RNF135: variants seen among roughly 807,000 people sequenced by gnomAD.
RNF135 encodes ring finger protein 135, also known as E3 ubiquitin-protein ligase RNF135.
RNF135 carries 46 observed loss-of-function variants against 41.9 expected under a neutral mutation model. The observed-to-expected ratio is 1.10, with a 90% CI of 0.87 to 1.40. The LOEUF is 1.40. Among genes scored for constraint, RNF135 ranks in the 40% most tolerant of loss-of-function variants. The pLI, the probability that RNF135 is intolerant of heterozygous loss-of-function variation, is 0.00. For missense variants in RNF135, 539 were observed against 549.8 expected, an observed-to-expected ratio of 0.98 and a Z score of 0.20; for synonymous variants, 238 against 223.8, an observed-to-expected ratio of 1.06 and a Z score of -0.57.
Position 30,975,664 on chromosome 17 carries a change from T to C in RNF135, c.372+4219T>C. ...CTCCACAACCGCCAATACCGGAGGG[T>C]GGAGTCACCACCAGTGTCGGCCTGA... On this transcript the variant is annotated intron_variant, in intron 1 of 4. Transcript: ENST00000328381. The C allele has an allele frequency of 4.5e-6, 6 of 1,341,012 alleles. No individual in the cohort carries two copies. In the South Asian group the frequency reaches 4.7e-5, roughly 10 times the overall value. 83.1% of individuals were successfully genotyped at this position (1,341,012 alleles called of 1,614,324 possible).
chr17:30,979,781 C>T (rs1226788152), intron 1 of RNF135, among the ~76,000 whole-genome samples: 25 of 129,858 alleles, frequency 1.9e-4, no homozygotes, highest in African/African-American at 6.1e-4. Flanking sequence ...TCCCCCCTCC[C>T]GGACGGGGCG....
intron 1 of RNF135, among the ~76,000 whole-genome samples, chr17:30,982,810 C>T (rs1226363914): frequency 6.6e-6 from 1 of 152,132 alleles, no homozygotes; most frequent in East Asian, 1.9e-4. Context: ...TCACTACCAT[C>T]ATTTCCATAA....
chr17:30,995,387 CAA>C (rs796205868), intron 3 of RNF135, among the ~76,000 whole-genome samples: 1 of 130,956 alleles, frequency 7.6e-6, no homozygotes, highest in Non-Finnish European at 1.7e-5. Context: ...GACTCAGTCT[CAA>C]AAAAAAAAAA....
At chr17:30,969,860 G>C (rs934247702), upstream of RNF135, among the ~76,000 whole-genome samples, 1 of 151,322 alleles carries the variant, frequency 6.6e-6, no homozygotes, top group Non-Finnish European at 1.5e-5. Flanking sequence ...CGCCTCCCGG[G>C]TTCAAGAGAT....
chr17:30,994,736 C>T (rs536638837), intron 3 of RNF135, among the ~76,000 whole-genome samples: 78 of 150,872 alleles, frequency 5.2e-4, no homozygotes, highest in Admixed American at 2.1e-3. Context: ...TGGGTTCAAG[C>T]GATTCTCCTG....
At chr17:30,966,388 ATTTT>A (rs1425023284), upstream of RNF135, among the ~76,000 whole-genome samples, 2 of 127,788 alleles carry the variant, frequency 1.6e-5, no homozygotes, top group African/African-American at 9.5e-5. Context: ...TTTAAGTTTT[ATTTT>A]ATTATTTTTT....
chr17:30,969,324 A>T (rs1391772014), upstream of RNF135: 1 of 152,266 alleles, frequency 6.6e-6, no homozygotes, highest in Non-Finnish European at 1.5e-5. Flanking sequence ...GAGATTCTAG[A>T]ACAAGATCCA....
At chr17:30,969,527 G>A (rs1199758803), upstream of RNF135, among the ~76,000 whole-genome samples, 1 of 152,130 alleles carries the variant, frequency 6.6e-6, no homozygotes, top group Non-Finnish European at 1.5e-5. Flanking sequence ...CCATAATTGG[G>A]GCAGCTGGCA....
chr17:30,984,129 T>G (rs999139752), intron 1 of RNF135, among the ~76,000 whole-genome samples: 2 of 152,226 alleles, frequency 1.3e-5, no homozygotes, highest in African/African-American at 4.8e-5. Context: ...TCGTGTCTTT[T>G]GATGCACAAA....
chr17:30,974,776 T>C (rs1346836291), intron 1 of RNF135, among the ~76,000 whole-genome samples: 1 of 151,568 alleles, frequency 6.6e-6, no homozygotes, highest in African/African-American at 2.4e-5. Context: ...ATCTCCCGGG[T>C]TCAAGTGATT....
intron 1 of RNF135, among the ~76,000 whole-genome samples, chr17:30,983,328 T>C (rs1232835432): frequency 3.0e-5 from 1 of 33,682 alleles, no homozygotes; most frequent in African/African-American, 1.1e-4. Context: ...TACATATATA[T>C]ATATATATAT....
chr17:30,979,532 A>G (rs1475491815), intron 1 of RNF135, among the ~76,000 whole-genome samples: 4 of 2,516 alleles, frequency 1.6e-3, no homozygotes, highest in East Asian at 8.1e-3. Context: ...CAGCTGGCCG[A>G]CCCCCCCCCC....
chr17:30,971,474 G>A lies in RNF135; in HGVS notation c.372+29G>A, dbSNP rs528018873. On this transcript the variant is annotated intron_variant, in intron 1 of 4. Transcript: ENST00000328381. The stretch of plus-strand genomic sequence containing the variant: ...GGGAGGCCGGGCCCGCAGCTCCCCT[G>A]GCTCCCCCGGGCTGCCCGCCGCCTG... 2.7e-4 allele frequency: 389 copies of A among 1,463,808 alleles called. No homozygotes were observed. The African/African-American group carries it at 5.4e-3, about 20-fold the overall frequency. The allele number at this position is 1,463,808 out of a possible 1,614,324, so 90.7% of individuals were successfully genotyped here.
intron 1 of RNF135, among the ~76,000 whole-genome samples, chr17:30,980,626 G>T (rs982244349): frequency 7.2e-6 from 1 of 138,530 alleles, no homozygotes; most frequent in African/African-American, 2.7e-5. Context: ...GCCAGGCAGA[G>T]GGTTTCCTCA....
chr17:30,979,545 G>A (rs1316642300), intron 1 of RNF135, among the ~76,000 whole-genome samples: 152 of 3,214 alleles, frequency 0.047, 29 homozygotes, highest in African/African-American at 0.11. Flanking sequence ...CCCCCCCCCC[G>A]CCTCCCTCCC....
rs1410315105 is a variant in RNF135 at position 30,971,184 on chromosome 17, C to T, written c.111C>T (p.Gly37=). The T allele has an allele frequency of 1.3e-6, 2 of 1,526,442 alleles. No homozygotes were observed. Among genetic ancestry groups the T allele is most frequent in the Non-Finnish European group, 1.7e-6 (2 of 1,143,152 alleles). The allele number at this position is 1,526,442 out of a possible 1,614,324, so 94.6% of individuals were successfully genotyped here. A position where few individuals can be genotyped will look rare whatever the true frequency, so the allele number is the denominator to read the frequency against. Residue 37 remains glycine (G), a synonymous_variant, in exon 1 of 5, where the codon GGC becomes GGT. Transcript: ENST00000328381. The part of the protein sequence containing the change: ...LLDWPATLPC[G]HSFCRHCLEA... ...ACTGGCCCGCCACGCTGCCCTGCGG[C>T]CACAGCTTCTGCCGCCACTGCCTGG...
intron 2 of RNF135, 61 bp from the exon 3 acceptor site, chr17:30,987,883 A>AATAGTTGATAGACTGC (rs1462529653): frequency 6.9e-7 from 1 of 1,447,152 alleles, no homozygotes; most frequent in Non-Finnish European, 9.6e-7. Flanking sequence ...ACTTGAATAT[A>AATAGTTGATAGACTGC]ATAGTTGATA....
chr17:30,983,332 TATATATATATATATATATATA>T (rs1222182817), intron 1 of RNF135, among the ~76,000 whole-genome samples: 11 of 34,560 alleles, frequency 3.2e-4, no homozygotes, highest in African/African-American at 7.6e-4. Context: ...TATATATATA[TATATATATATATATATATATA>T]TTTTTTTTTT....
Position 30,988,106 on chromosome 17 carries a change from G to A in RNF135, c.679G>A (p.Gly227Arg). ...WKEAPEAQMQ[G>R]ELLEAPSSSS... Reference sequence around the variant, plus strand: ...AGAGGCTCCTGAAGCACAAATGCAGGGTGAGCTGATCTTATTTATTGGAGG... The same window carrying A: ...AGAGGCTCCTGAAGCACAAATGCAGAGTGAGCTGATCTTATTTATTGGAGG... Residue 227 changes from glycine (G) to arginine (R), a missense_variant and splice_region_variant, in exon 3 of 5, where the codon GGA (glycine) becomes AGA (arginine). Gly to Arg is a moderately radical substitution (Grantham distance 125). This residue lies in a region of RNF135 where 262 missense variants were observed against 336.9 expected (regional missense o/e 0.78). Coordinates refer to ENST00000328381, the MANE Select transcript of RNF135 (RefSeq NM_032322.4). The A allele has an allele frequency of 6.2e-7, 1 of 1,613,820 alleles. No individual in the cohort carries two copies. Among genetic ancestry groups the A allele is most frequent in the East Asian group, 2.2e-5 (1 of 44,868 alleles).
Sources: allele counts gnomAD v4.1 joint callset (sites outside exome capture counted in the v4.1 genomes callset), GRCh38; gene constraint gnomAD v4.1.1; regional missense constraint gnomAD v4.1.1; transcripts MANE v1.5; gene names NCBI Gene and HGNC (gene_info 2026-07-23, HGNC 2026-07-21).